ATAD3B: variants seen among roughly 807,000 people sequenced by gnomAD.
ATAD3B encodes the protein ATPase family AAA domain containing 3B.
Under a neutral mutation model 70.2 loss-of-function variants are expected in ATAD3B, and 59 were observed. That is an observed-to-expected ratio of 0.84 (90% CI 0.68 to 1.04). ATAD3B has a LOEUF of 1.04. Ranked by LOEUF, ATAD3B falls within the 50% of genes least tolerant of loss-of-function variation. The pLI is 0.00. For synonymous variants in ATAD3B, 423 were observed against 388.6 expected (o/e 1.09, Z -1.04); for missense variants, 961 against 913.4 (o/e 1.05, Z -0.67).
At chr1:1,506,011 G>A in the ATAD3B span, among the ~76,000 whole-genome samples, 1 of 152,252 alleles carries the variant, frequency 6.6e-6, no homozygotes, top group Non-Finnish European at 1.5e-5. Flanking sequence ...GGTGGGTGGA[G>A]CACCTGAGGT....
chr1:1,495,470 C>T lies in ATAD3B; in HGVS notation c.1615-15C>T, dbSNP rs1021196289. 1 of 1,585,878 alleles carries T rather than the reference C, an allele frequency of 6.3e-7. No individual in the cohort carries two copies. Among genetic ancestry groups the T allele is most frequent in the African/African-American group, 1.3e-5 (1 of 74,334 alleles). ...TCCCATAGCGGCCTCCCTCAGCTCC[C>T]TCTCTCTTCACTAGGCCACGGCATA... On this transcript the variant is annotated splice_polypyrimidine_tract_variant and intron_variant, in intron 15 of 15. Transcript: ENST00000673477.
In ATAD3B at chr1:1,495,561, A is replaced by G; in HGVS notation, c.1691A>G (p.Gln564Arg). The G allele has an allele frequency of 6.2e-7, 1 of 1,613,242 alleles. No individual in the cohort carries two copies. The highest frequency in any genetic ancestry group is 8.5e-7 in the Non-Finnish European group (1 of 1,179,492). Residue 564 changes from glutamine (Q) to arginine (R), a missense_variant, in exon 16 of 16, where the codon CAG becomes CGG. This residue lies in a region of ATAD3B where 417 missense variants were observed against 335.0 expected (regional missense o/e 1.24). Coordinates refer to ENST00000673477, the MANE Select transcript of ATAD3B (RefSeq NM_031921.6). ...MDACVQDAVQ[Q>R]YRQKMRWLKA... is the part of the protein sequence containing the mutation. ...GCCTGTGTGCAAGATGCTGTCCAGC[A>G]GTACCGACAGAAGATGCGCTGGCTG...
Position 1,495,664 on chromosome 1 carries a change from G to A in ATAD3B, c.1794G>A (p.Leu598=). 2 of 1,612,954 alleles carry A rather than the reference G, an allele frequency of 1.2e-6. No individual in the cohort carries two copies. The highest frequency in any genetic ancestry group is 1.1e-5 in the South Asian group (1 of 90,990). The change falls in exon 16 of 16, where the codon CTG becomes CTA. Residue 598 remains leucine (L), a synonymous_variant. Transcript: ENST00000673477. Reference sequence around the variant, plus strand: ...GCGAGACCCTCACCTCATGGAGCCTGGCCACGGACCCCTCCTACCCCTGCC... The same window carrying A: ...GCGAGACCCTCACCTCATGGAGCCTAGCCACGGACCCCTCCTACCCCTGCC... ...VQGETLTSWS[L]ATDPSYPCLA...
rs572162130 is a variant in ATAD3B at position 1,477,077 on chromosome 1, C to T, written c.206-197C>T. 4.0e-4 allele frequency among the ~76,000 whole-genome samples: 61 copies of T among 151,934 alleles called. 1 individual carries two copies. The South Asian group carries it at 0.012, about 29-fold the overall frequency. ...TCCAGCTGGAGTGCAGCAGTGTGAT[C>T]TGGGTGACTGTAGCCTCTGCCTCCG... On this transcript the variant is annotated intron_variant, in intron 1 of 15. Coordinates refer to ENST00000673477, the MANE Select transcript of ATAD3B (RefSeq NM_031921.6).
At chr1:1,487,402 G>T (rs551331952) in intron 11 of ATAD3B, among the ~76,000 whole-genome samples, 1 of 151,736 alleles carries the variant, frequency 6.6e-6, no homozygotes, top group South Asian at 2.1e-4. Context: ...GCAGGAGAAT[G>T]GCGTGAACCC....
At chr1:1,500,725 G>C (rs113320106), downstream of ATAD3B, among the ~76,000 whole-genome samples, 1 of 151,302 alleles carries the variant, frequency 6.6e-6, no homozygotes, top group South Asian at 2.1e-4. Context: ...AGGCCGAGGC[G>C]GGCGGATCAC....
chr1:1,483,218 C>T (rs1391062787), intron 7 of ATAD3B: 1 of 356,492 alleles, frequency 2.8e-6, no homozygotes, highest in Non-Finnish European at 5.5e-6. Context: ...TCACTTGAAC[C>T]CGGGTGGTGG....
At chr1:1,472,746 C>T (rs1370617684) in intron 1 of ATAD3B, among the ~76,000 whole-genome samples, 2 of 152,028 alleles carry the variant, frequency 1.3e-5, no homozygotes, top group Non-Finnish European at 2.9e-5. Context: ...CGATGCAGTT[C>T]AAATGGCTAG....
intron 12 of ATAD3B, among the ~76,000 whole-genome samples, chr1:1,488,594 A>C (rs1640362253): frequency 6.6e-6 from 1 of 152,076 alleles, no homozygotes; most frequent in South Asian, 2.1e-4. Flanking sequence ...CCCCGTCTAT[A>C]GTAAAAATAC....
chr1:1,479,383 C>CACTT (rs1639775694), intron 4 of ATAD3B, among the ~76,000 whole-genome samples: 1 of 146,304 alleles, frequency 6.8e-6, no homozygotes, highest in Non-Finnish European at 1.5e-5. Context: ...CACACACACC[C>CACTT]CTGCACACAT....
At chr1:1,489,705 T>C in intron 13 of ATAD3B, 1 of 1,313,100 alleles carries the variant, frequency 7.6e-7, no homozygotes. Context: ...CAGTCACGTG[T>C]CACACGGAGG....
intron 7 of ATAD3B, chr1:1,484,794 A>T (rs960833331): frequency 2.4e-6 from 3 of 1,272,076 alleles, no homozygotes; most frequent in African/African-American, 1.5e-5. Context: ...CCAGTTGCAG[A>T]GAAAATGGCC....
chr1:1,489,977 C>G, intron 13 of ATAD3B: 24 of 1,294,300 alleles, frequency 1.9e-5, no homozygotes, highest in Non-Finnish European at 2.4e-5. Context: ...GAGTGGTGTT[C>G]CCGGCACTGC....
chr1:1,479,999 C>G (rs1639821298), intron 4 of ATAD3B, among the ~76,000 whole-genome samples: 1 of 145,714 alleles, frequency 6.9e-6, no homozygotes, highest in Admixed American at 7.0e-5. Context: ...CACACGCACA[C>G]CCCCTCACAC....
In ATAD3B at chr1:1,496,105, C is replaced by A; in HGVS notation, c.*288C>A. On this transcript the variant is annotated 3_prime_UTR_variant, in exon 16 of 16. Transcript: ENST00000673477. ...CAGCCATGGCCAGGGGCCACGGAAC[C>A]CGGCAGGGGTGTCTGAGGCCGCCCT... The A allele has an allele frequency of 2.5e-6, 3 of 1,176,482 alleles. No individual in the cohort carries two copies. Among genetic ancestry groups the A allele is most frequent in the Non-Finnish European group, 3.2e-6 (3 of 949,048 alleles). The allele number at this position is 1,176,482 out of a possible 1,614,324, so 72.9% of individuals were successfully genotyped here.
intron 15 of ATAD3B, among the ~76,000 whole-genome samples, chr1:1,491,632 G>T (rs2100595045): frequency 6.6e-6 from 1 of 152,120 alleles, no homozygotes; most frequent in Non-Finnish European, 1.5e-5. Context: ...CCGCCTCTGG[G>T]GTCCGCAGAG....
chr1:1,498,471 A>T (rs1411663449), downstream of ATAD3B, among the ~76,000 whole-genome samples: 1 of 151,880 alleles, frequency 6.6e-6, no homozygotes, highest in South Asian at 2.1e-4. Flanking sequence ...AAAATAAATT[A>T]AAAAATAAAA....
Position 1,482,307 on chromosome 1 carries a change from A to C in ATAD3B, c.680+4A>C. The C allele has an allele frequency of 6.3e-7, 1 of 1,585,028 alleles. No homozygotes were observed. Among genetic ancestry groups the C allele is most frequent in the Non-Finnish European group, 8.5e-7 (1 of 1,172,472 alleles). On this transcript the variant is annotated splice_donor_region_variant and intron_variant, in intron 6 of 15. Transcript: ENST00000673477. The stretch of plus-strand genomic sequence containing the variant: ...AGACCGTCTTGGAGTCCATCAGGTG[A>C]GCACTGCCCAGGCCCGGGCCGGCCA...
chr1:1,475,345 GC>G, intron 1 of ATAD3B, among the ~76,000 whole-genome samples: 1 of 151,636 alleles, frequency 6.6e-6, no homozygotes, highest in Non-Finnish European at 1.5e-5. Flanking sequence ...GGAGTTGACT[GC>G]CCCCTTTCCC....
Sources: allele counts gnomAD v4.1 joint callset (sites outside exome capture counted in the v4.1 genomes callset), GRCh38; gene constraint gnomAD v4.1.1; regional missense constraint gnomAD v4.1.1; transcripts MANE v1.5; gene names NCBI Gene and HGNC (gene_info 2026-07-23, HGNC 2026-07-21).